The following ABCC1 variants were observed in gnomAD, a reference collection of about 807,000 sequenced individuals.
ABCC1 encodes ATP binding cassette subfamily C member 1 (ABCC1 blood group), also known as multidrug resistance-associated protein 1.
A neutral mutation model predicts 172.9 loss-of-function variants in ABCC1; 83 were observed. The ratio of observed to expected loss-of-function variants is 0.48; its 90% CI spans 0.40 to 0.58. The LOEUF is 0.58. Ranked by LOEUF, ABCC1 falls within the 20% of genes least tolerant of loss-of-function variation. The probability of loss-of-function intolerance (pLI) is 0.00; values close to 1 mark genes in which losing one functional copy is unlikely to be tolerated. For synonymous variants in ABCC1, 937 were observed against 825.2 expected, an observed-to-expected ratio of 1.14 and a Z score of -2.32; for missense variants, 1,817 against 2,002.7, an observed-to-expected ratio of 0.91 and a Z score of 1.77.
At chr16:15,964,971 G>A (rs2046212721) in intron 1 of ABCC1, among the ~76,000 whole-genome samples, 1 of 152,134 alleles carries the variant, frequency 6.6e-6, no homozygotes, top group Non-Finnish European at 1.5e-5. Context: ...AAGGGCTCTT[G>A]TTATTGTGGG....
chr16:16,100,370 G>A (rs890942065), intron 19 of ABCC1, among the ~76,000 whole-genome samples: 11 of 152,252 alleles, frequency 7.2e-5, no homozygotes, highest in Admixed American at 2.6e-4. Flanking sequence ...AGAGCGGGGG[G>A]GCTCTCTGCG....
chr16:15,991,755 G>A (rs1193929239), intron 1 of ABCC1, among the ~76,000 whole-genome samples: 1 of 152,148 alleles, frequency 6.6e-6, no homozygotes, highest in Non-Finnish European at 1.5e-5. Flanking sequence ...GAGTAAATGT[G>A]CTAAGGCCAT....
intron 1 of ABCC1, among the ~76,000 whole-genome samples, chr16:15,953,146 A>G (rs906689616): frequency 6.6e-6 from 1 of 151,820 alleles, no homozygotes; most frequent in Non-Finnish European, 1.5e-5. Context: ...GACCAGCCTG[A>G]CCAACATGGC....
intron 26 of ABCC1, among the ~76,000 whole-genome samples, chr16:16,127,409 G>C (rs1444092050): frequency 6.6e-6 from 1 of 152,150 alleles, no homozygotes; most frequent in Admixed American, 6.5e-5. Flanking sequence ...ATTTTGCCCA[G>C]ACTCATCTTG....
intron 20 of ABCC1, among the ~76,000 whole-genome samples, chr16:16,104,892 G>A (rs567076754): frequency 5.3e-5 from 8 of 152,254 alleles, no homozygotes; most frequent in Middle Eastern, 3.4e-3. Context: ...CTCACTACCC[G>A]GGCTGGCGGG....
chr16:16,026,457 GC>G (rs2048373677), intron 5 of ABCC1, among the ~76,000 whole-genome samples: 1 of 76,708 alleles, frequency 1.3e-5, no homozygotes, highest in Non-Finnish European at 3.3e-5. Context: ...AAAAAAAAAG[GC>G]TATTTCCTTT....
At chr16:16,013,118 A>T (rs2047855316) in intron 3 of ABCC1, among the ~76,000 whole-genome samples, 1 of 152,082 alleles carries the variant, frequency 6.6e-6, no homozygotes, top group Admixed American at 6.6e-5. Context: ...GGCCTGTGAG[A>T]TCCTCAGCCT....
At chr16:16,058,733 C>T (rs1399878804) in intron 12 of ABCC1, among the ~76,000 whole-genome samples, 2 of 152,212 alleles carry the variant, frequency 1.3e-5, no homozygotes, top group African/African-American at 4.8e-5. Context: ...TCACTGCAAT[C>T]TCTGCCTCCC....
At chr16:15,959,551 C>T (rs2046081141) in intron 1 of ABCC1, among the ~76,000 whole-genome samples, 1 of 152,152 alleles carries the variant, frequency 6.6e-6, no homozygotes. Context: ...GTCTCAAACT[C>T]CTGGGCTCAA....
intron 21 of ABCC1, among the ~76,000 whole-genome samples, chr16:16,107,377 C>T (rs9932205): frequency 0.14 from 22,016 of 152,014 alleles, 1,743 homozygotes; most frequent in East Asian, 0.22. Context: ...ACAACCTCTG[C>T]CTCCTGGGTT....
intron 19 of ABCC1, among the ~76,000 whole-genome samples, chr16:16,096,255 C>T (rs2051476191): frequency 2.0e-5 from 3 of 151,784 alleles, no homozygotes; most frequent in Admixed American, 6.6e-5. Context: ...CAAAAAAAAA[C>T]TCCCGAGAAA....
In ABCC1 at chr16:15,973,502, C is replaced by G. The variant is rs113475391; in HGVS notation, c.48+23703C>G. Among the ~76,000 whole-genome samples the G allele has an allele frequency of 2.6e-3, 402 of 152,196 alleles. 2 individuals are homozygous for G. The highest frequency in any genetic ancestry group is 8.1e-3 in the African/African-American group (337 of 41,542). ...TGCAGTTGAGAAACCCTGGCATGGA[C>G]GCAATCCACCTGCTGCCAGGAGTTA... On this transcript the variant is annotated intron_variant, in intron 1 of 30. Coordinates refer to ENST00000399410, the MANE Select transcript of ABCC1 (RefSeq NM_004996.4).
intron 10 of ABCC1, among the ~76,000 whole-genome samples, chr16:16,050,280 A>G (rs1443731122): frequency 6.6e-6 from 1 of 152,010 alleles, no homozygotes; most frequent in Non-Finnish European, 1.5e-5. Context: ...CCAACATGGC[A>G]AAACCCCGTC....
At chr16:16,047,083 G>A (rs145109680) in intron 9 of ABCC1, among the ~76,000 whole-genome samples, 53 of 152,120 alleles carry the variant, frequency 3.5e-4, no homozygotes, top group African/African-American at 1.2e-3. Context: ...CTGTAGTCCC[G>A]TCTACTCAGG....
chr16:15,976,494 C>T (rs2046494339), intron 1 of ABCC1, among the ~76,000 whole-genome samples: 1 of 152,096 alleles, frequency 6.6e-6, no homozygotes, highest in Admixed American at 6.5e-5. Context: ...GACTGAAACC[C>T]AGGCAGTCTG....
chr16:16,033,066 T>C, intron 5 of ABCC1, 43 bp from the exon 6 acceptor site: 3 of 1,589,554 alleles, frequency 1.9e-6, no homozygotes, highest in Non-Finnish European at 2.6e-6. Context: ...GTCAAATCAT[T>C]CCTTTCCCTC....
intron 8 of ABCC1, 58 bp downstream of exon 8, chr16:16,044,738 A>G (rs1212998605): frequency 4.7e-6 from 7 of 1,478,820 alleles, no homozygotes; most frequent in Non-Finnish European, 6.6e-6. Flanking sequence ...TTGATCTTTC[A>G]GTTGCATCAG....
chr16:16,115,047 C>A lies in ABCC1; in HGVS notation c.3361C>A (p.Pro1121Thr). ...ATPIAAIIIP[P>T]LGLIYFFVQR... ...GCCCATCGCCGCCATCATCATCCCG[C>A]CCCTTGGCCTCATCTACTTCTTCGT... The change falls in exon 23 of 31, where the codon CCC (proline) becomes ACC (threonine). Residue 1121 changes from proline to threonine, a missense_variant. Physicochemically the swap from Pro to Thr is conservative, Grantham distance 38 (BLOSUM62 -1). Coordinates refer to ENST00000399410, the MANE Select transcript of ABCC1 (RefSeq NM_004996.4). The A allele has an allele frequency of 6.2e-7, 1 of 1,614,080 alleles. No individual in the cohort carries two copies.
chr16:16,025,666 G>A (rs4148340), intron 5 of ABCC1, among the ~76,000 whole-genome samples: 12,077 of 152,148 alleles, frequency 0.079, 516 homozygotes, highest in Middle Eastern at 0.15. Context: ...ACTACCCTGC[G>A]CTCCAAGAAT....
Sources: gnomAD v4.1 joint callset for allele counts (sites outside exome capture counted in the v4.1 genomes callset) on GRCh38, gnomAD v4.1.1 for gene constraint, MANE v1.5 for transcripts, NCBI Gene and HGNC (gene_info 2026-07-23, HGNC 2026-07-21) for gene names.